The following CNDP1 variants were observed in gnomAD, a reference collection of about 807,000 sequenced individuals.
The protein encoded by CNDP1 is beta-Ala-His dipeptidase.
A neutral mutation model predicts 58.1 loss-of-function variants in CNDP1; 44 were observed. The observed-to-expected ratio is 0.76, with a 90% CI of 0.60 to 0.97. The LOEUF is 0.97. Among genes scored for constraint, CNDP1 ranks in the 50% least tolerant of loss-of-function variants. The pLI, the probability that CNDP1 is intolerant of heterozygous loss-of-function variation, is 0.00. For missense variants in CNDP1, 616 were observed against 655.1 expected, an observed-to-expected ratio of 0.94 and a Z score of 0.65; for synonymous variants, 254 against 252.6, an observed-to-expected ratio of 1.01 and a Z score of -0.05.
At chr18:74,579,995 C>T (rs1449343211) in intron 9 of CNDP1, 135 bp from the exon 10 acceptor site, 9 of 751,426 alleles carry the variant, frequency 1.2e-5, no homozygotes, top group African/African-American at 1.8e-5. Flanking sequence ...TTGCGTGTGT[C>T]AGGCTGGGGC....
At chr18:74,555,235 T>A (rs1299187631) in intron 1 of CNDP1, among the ~76,000 whole-genome samples, 1 of 152,088 alleles carries the variant, frequency 6.6e-6, no homozygotes, top group Non-Finnish European at 1.5e-5. Flanking sequence ...CTCCCCTCCT[T>A]CCTCCTGCTG....
intron 1 of CNDP1, among the ~76,000 whole-genome samples, chr18:74,554,357 T>C (rs1003997510): frequency 6.6e-6 from 1 of 152,182 alleles, no homozygotes; most frequent in African/African-American, 2.4e-5. Flanking sequence ...GGGCATGGGA[T>C]GGATTGACCC....
In CNDP1 at chr18:74,551,361, AACACACACAC is replaced by A. The variant is rs74178982; in HGVS notation, c.25-4953_25-4944del. 4.6e-4 allele frequency among the ~76,000 whole-genome samples: 68 copies of A among 147,836 alleles called. No individual in the cohort carries two copies. The South Asian group carries it at 8.4e-3, about 18-fold the overall frequency. ...CTAGTTCAAGGTCAAGCACAACTGT[AACACACACAC>A]ACACACACACACACACACACACAAA... On this transcript the variant is annotated intron_variant, in intron 1 of 11. Transcript: ENST00000358821.
intron 1 of CNDP1, among the ~76,000 whole-genome samples, chr18:74,539,023 A>G (rs1980551554): frequency 6.6e-6 from 1 of 152,048 alleles, no homozygotes; most frequent in Admixed American, 6.6e-5. Context: ...GCTTATTTCT[A>G]ATTAATCAAT....
chr18:74,573,364 CATCT>C (rs1017040691), intron 7 of CNDP1, among the ~76,000 whole-genome samples: 3 of 139,958 alleles, frequency 2.1e-5, no homozygotes, highest in African/African-American at 2.7e-5. Context: ...ATTATCTATC[CATCT>C]ATCATCTTTC....
chr18:74,551,127 C>T (rs1204980933), intron 1 of CNDP1, among the ~76,000 whole-genome samples: 3 of 152,090 alleles, frequency 2.0e-5, no homozygotes, highest in African/African-American at 7.2e-5. Context: ...CTTGCGCCTG[C>T]TCTGGCCACA....
intron 5 of CNDP1, among the ~76,000 whole-genome samples, chr18:74,564,817 G>A (rs779726807): frequency 4.6e-5 from 7 of 152,210 alleles, no homozygotes; most frequent in East Asian, 1.9e-4. Flanking sequence ...CTCCATTGCT[G>A]TAACAGAACT....
At chr18:74,536,766 T>A (rs534033265) in intron 1 of CNDP1, among the ~76,000 whole-genome samples, 3 of 152,348 alleles carry the variant, frequency 2.0e-5, no homozygotes, top group African/African-American at 7.2e-5. Context: ...ACCAACAACG[T>A]ATAAGTTTTC....
intron 5 of CNDP1, among the ~76,000 whole-genome samples, chr18:74,564,736 A>C (rs1401347398): frequency 1.3e-5 from 2 of 152,194 alleles, no homozygotes; most frequent in Non-Finnish European, 2.9e-5. Flanking sequence ...CATAGCATTA[A>C]ATTGGCAGGA....
chr18:74,579,597 A>C (rs548018067), intron 9 of CNDP1, among the ~76,000 whole-genome samples: 10 of 152,182 alleles, frequency 6.6e-5, no homozygotes, highest in Non-Finnish European at 7.3e-5. Context: ...GACTCTCAAC[A>C]GTAACAATGA....
intron 5 of CNDP1, among the ~76,000 whole-genome samples, chr18:74,562,962 C>T (rs1198924172): frequency 6.6e-6 from 1 of 152,168 alleles, no homozygotes; most frequent in Non-Finnish European, 1.5e-5. Context: ...TCCAGGTCAG[C>T]CCTGGGGTCT....
chr18:74,578,682 G>T (rs1326186885), intron 9 of CNDP1, among the ~76,000 whole-genome samples: 1 of 152,168 alleles, frequency 6.6e-6, no homozygotes, highest in East Asian at 1.9e-4. Flanking sequence ...TGCAATTACA[G>T]CAGTCAGATA....
At chr18:74,580,095 C>T (rs1276386802) in intron 9 of CNDP1, 35 bp from the exon 10 acceptor site, 3 of 1,587,612 alleles carry the variant, frequency 1.9e-6, no homozygotes, top group Non-Finnish European at 2.6e-6. Context: ...AATAACTTGA[C>T]ACTTTCTCTT....
chr18:74,581,262 G>GTGTT (rs1370976903), intron 10 of CNDP1, among the ~76,000 whole-genome samples: 31 of 143,492 alleles, frequency 2.2e-4, no homozygotes, highest in African/African-American at 7.9e-4. Context: ...GTGTGTGTGT[G>GTGTT]TAAGCTTGAC....
Position 74,584,786 on chromosome 18 carries a change from T to C in CNDP1, c.*224T>C. The C allele has an allele frequency of 8.2e-6, 4 of 490,762 alleles. No individual in the cohort carries two copies. In the South Asian group the frequency reaches 1.3e-4, roughly 16 times the overall value. 30.4% of individuals were successfully genotyped at this position (490,762 alleles called of 1,614,324 possible). Reference sequence around the variant, plus strand: ...CCCACTGCACACCTTCCTCAAGTCATAGCTGCTTGCAGCAACTTGATTTCC... The same window carrying C: ...CCCACTGCACACCTTCCTCAAGTCACAGCTGCTTGCAGCAACTTGATTTCC... On this transcript the variant is annotated 3_prime_UTR_variant, in exon 12 of 12. Transcript: ENST00000358821.
chr18:74,586,606 C>T lies in CNDP1; in HGVS notation c.*2044C>T, dbSNP rs185119504. ...CAGTGTCTCAATTATTACGTTGCTGCCAGGAGAGAAGGGGAGGAGAATGAA... is the reference window on the plus strand; with the variant it reads ...CAGTGTCTCAATTATTACGTTGCTGTCAGGAGAGAAGGGGAGGAGAATGAA... On this transcript the variant is annotated 3_prime_UTR_variant, in exon 12 of 12. Coordinates refer to ENST00000358821, the MANE Select transcript of CNDP1 (RefSeq NM_032649.6). 2.6e-5 allele frequency: 4 copies of T among 152,232 alleles called. No individual in the cohort carries two copies. Among genetic ancestry groups the T allele is most frequent in the South Asian group, 2.1e-4 (1 of 4,826 alleles). 9.4% of individuals were successfully genotyped at this position (152,232 alleles called of 1,614,324 possible). A position where few individuals can be genotyped will look rare whatever the true frequency, so the allele number is the denominator to read the frequency against.
intron 1 of CNDP1, among the ~76,000 whole-genome samples, chr18:74,543,216 G>A (rs945241927): frequency 4.6e-5 from 7 of 152,222 alleles, no homozygotes; most frequent in African/African-American, 1.7e-4. Flanking sequence ...GGGGCCGGGT[G>A]TGGTGGCTCA....
intron 2 of CNDP1, among the ~76,000 whole-genome samples, chr18:74,556,744 T>C (rs1981052573): frequency 6.6e-6 from 1 of 152,128 alleles, no homozygotes; most frequent in Non-Finnish European, 1.5e-5. Flanking sequence ...TCCGCTGAGC[T>C]CAAGTCTGCC....
chr18:74,547,650 A>G (rs961509064), intron 1 of CNDP1, among the ~76,000 whole-genome samples: 2 of 152,190 alleles, frequency 1.3e-5, no homozygotes, highest in Non-Finnish European at 2.9e-5. Flanking sequence ...TCCAGTTGTT[A>G]GCAAGAGCTA....
Sources: gnomAD v4.1 joint callset for allele counts (sites outside exome capture counted in the v4.1 genomes callset) on GRCh38, gnomAD v4.1.1 for gene constraint, MANE v1.5 for transcripts, NCBI Gene and HGNC (gene_info 2026-07-23, HGNC 2026-07-21) for gene names.